CNTNAP2: variants seen among roughly 807,000 people sequenced by gnomAD.
CNTNAP2 encodes contactin-associated protein-like 2.
A neutral mutation model predicts 155.2 loss-of-function variants in CNTNAP2; 98 were observed. The ratio of observed to expected loss-of-function variants is 0.63; its 90% CI spans 0.54 to 0.75. The LOEUF (loss-of-function observed/expected upper bound fraction) is 0.75, where lower values mean the gene tolerates loss of function less well. Among genes scored for constraint, CNTNAP2 ranks in the 30% least tolerant of loss-of-function variants. The pLI, the probability that CNTNAP2 is intolerant of heterozygous loss-of-function variation, is 0.00. For missense variants in CNTNAP2, 1,727 were observed against 1,688.1 expected (o/e 1.02, Z -0.40); for synonymous variants, 651 against 631.2 (o/e 1.03, Z -0.47).
At chr7:148,350,815 C>T (rs898770278) in intron 21 of CNTNAP2, among the ~76,000 whole-genome samples, 1 of 152,186 alleles carries the variant, frequency 6.6e-6, no homozygotes, top group African/African-American at 2.4e-5. Context: ...TCTGTATTCT[C>T]CAGATGATTT....
At chr7:146,436,330 A>G (rs576412134) in intron 1 of CNTNAP2, among the ~76,000 whole-genome samples, 70 of 152,314 alleles carry the variant, frequency 4.6e-4, no homozygotes, top group African/African-American at 1.6e-3. Context: ...TGTTCTTGCT[A>G]TTAGCAGGCA....
At chr7:146,634,896 A>C (rs1799572849) in intron 1 of CNTNAP2, among the ~76,000 whole-genome samples, 2 of 152,222 alleles carry the variant, frequency 1.3e-5, no homozygotes, top group African/African-American at 4.8e-5. Context: ...ATGAGACTTT[A>C]ATAATTAATA....
intron 21 of CNTNAP2, among the ~76,000 whole-genome samples, chr7:148,382,385 G>A (rs1263468842): frequency 6.6e-6 from 1 of 152,126 alleles, no homozygotes; most frequent in African/African-American, 2.4e-5. Flanking sequence ...AGACCCCGCA[G>A]ACAGATACGG....
At position 146,244,490 on chromosome 7, in the gene CNTNAP2, T is replaced by C. The variant is rs997646422; in HGVS notation, c.97+127517T>C. ...AGGAGCTCAAATGGCCTGTACCTTG[T>C]AGCATTCTGAGGACAGGTCTGACTT... is the stretch of plus-strand genomic sequence containing the variant. On this transcript the variant is annotated intron_variant, in intron 1 of 23. Coordinates refer to ENST00000361727, the MANE Select transcript of CNTNAP2 (RefSeq NM_014141.6). Among the ~76,000 whole-genome samples, 3 of 152,184 alleles carry C rather than the reference T, an allele frequency of 2.0e-5. No homozygotes were observed. In the South Asian group the frequency reaches 6.2e-4, roughly 31 times the overall value.
chr7:148,287,948 C>T (rs1176624782), intron 21 of CNTNAP2, among the ~76,000 whole-genome samples: 25 of 149,758 alleles, frequency 1.7e-4, no homozygotes, highest in African/African-American at 3.7e-4. Context: ...CGTGCCACCA[C>T]GCCCAGCTAA....
At chr7:146,590,669 A>G (rs1483610727) in intron 1 of CNTNAP2, among the ~76,000 whole-genome samples, 1 of 152,120 alleles carries the variant, frequency 6.6e-6, no homozygotes, top group East Asian at 1.9e-4. Context: ...CAGATGCACA[A>G]CACACCATTT....
At chr7:146,980,960 C>T (rs1181828596) in intron 3 of CNTNAP2, among the ~76,000 whole-genome samples, 1 of 152,026 alleles carries the variant, frequency 6.6e-6, no homozygotes, top group Non-Finnish European at 1.5e-5. Context: ...CTTTTTCTAC[C>T]CCTTAGCCTA....
chr7:147,646,444 A>G (rs151276285), intron 13 of CNTNAP2, among the ~76,000 whole-genome samples: 6 of 152,180 alleles, frequency 3.9e-5, no homozygotes, highest in Non-Finnish European at 5.9e-5. Context: ...TCTTCCTTGA[A>G]ATTTTCTTAA....
intron 21 of CNTNAP2, among the ~76,000 whole-genome samples, chr7:148,380,974 C>G (rs1489196385): frequency 6.6e-6 from 1 of 152,248 alleles, no homozygotes; most frequent in South Asian, 2.1e-4. Flanking sequence ...AATGCTGAAA[C>G]CAGCCAGCCA....
chr7:148,135,664 C>A (rs967413296), intron 16 of CNTNAP2, among the ~76,000 whole-genome samples: 1 of 151,560 alleles, frequency 6.6e-6, no homozygotes, highest in African/African-American at 2.4e-5. Flanking sequence ...ACCTGGTCAA[C>A]ATGGCAAAAC....
rs145739745 is a variant in CNTNAP2 at position 147,290,148 on chromosome 7, T to C, written c.1349-9993T>C. Among the ~76,000 whole-genome samples the C allele has an allele frequency of 8.5e-3, 1,292 of 152,314 alleles. 24 individuals carry two copies. The highest frequency in any genetic ancestry group is 0.029 in the African/African-American group (1,200 of 41,556). The stretch of plus-strand genomic sequence containing the variant: ...CACAATATTTGCACCAACTAATCAA[T>C]ACATAACCTTGTTTTGTGTGTGTTT... On this transcript the variant is annotated intron_variant, in intron 8 of 23. Transcript: ENST00000361727.
intron 1 of CNTNAP2, among the ~76,000 whole-genome samples, chr7:146,751,508 T>G (rs1764948057): frequency 6.6e-6 from 1 of 152,184 alleles, no homozygotes; most frequent in Admixed American, 6.5e-5. Context: ...ACTAAGTGAT[T>G]CCTAAGTTTT....
chr7:146,589,932 A>C (rs760305111), intron 1 of CNTNAP2, among the ~76,000 whole-genome samples: 1 of 152,198 alleles, frequency 6.6e-6, no homozygotes, highest in African/African-American at 2.4e-5. Flanking sequence ...AGAATAGAGC[A>C]CAAAAGAGAT....
intron 1 of CNTNAP2, among the ~76,000 whole-genome samples, chr7:146,289,095 C>A (rs980888472): frequency 6.6e-6 from 1 of 152,066 alleles, no homozygotes; most frequent in Non-Finnish European, 1.5e-5. Flanking sequence ...TGAGCCACCG[C>A]GCCCTGGCAG....
chr7:146,209,647 T>C (rs556476242), intron 1 of CNTNAP2, among the ~76,000 whole-genome samples: 22 of 152,192 alleles, frequency 1.4e-4, no homozygotes, highest in Non-Finnish European at 2.9e-4. Flanking sequence ...AAAAGTCAAA[T>C]GTAAAAGTAT....
chr7:147,503,124 C>A (rs2116672430), intron 11 of CNTNAP2, among the ~76,000 whole-genome samples: 1 of 152,284 alleles, frequency 6.6e-6, no homozygotes, highest in Non-Finnish European at 1.5e-5. Context: ...AAGGTGCTGG[C>A]AAGCCCACGC....
At chr7:147,519,694 C>G (rs1263075737) in intron 11 of CNTNAP2, among the ~76,000 whole-genome samples, 1 of 152,160 alleles carries the variant, frequency 6.6e-6, no homozygotes, top group African/African-American at 2.4e-5. Flanking sequence ...GCAACCCCAT[C>G]TCAACTAAAC....
intron 13 of CNTNAP2, among the ~76,000 whole-genome samples, chr7:147,762,439 T>A (rs1797317016): frequency 6.6e-6 from 1 of 152,064 alleles, no homozygotes; most frequent in Non-Finnish European, 1.5e-5. Flanking sequence ...ATGAGTTCAG[T>A]TGTAAGCCTA....
intron 8 of CNTNAP2, among the ~76,000 whole-genome samples, chr7:147,275,055 A>T (rs759661255): frequency 6.6e-6 from 1 of 152,024 alleles, no homozygotes; most frequent in Non-Finnish European, 1.5e-5. Context: ...TGTTTTGGTT[A>T]TTATAGCCTT....
Sources: gnomAD v4.1 joint callset for allele counts (sites outside exome capture counted in the v4.1 genomes callset) on GRCh38, gnomAD v4.1.1 for gene constraint, MANE v1.5 for transcripts, NCBI Gene and HGNC (gene_info 2026-07-23, HGNC 2026-07-21) for gene names.